EGFR: variants seen among roughly 807,000 people sequenced by gnomAD.
EGFR encodes the protein avian erythroblastic leukemia viral (v-erb-b) oncogene homolog.
EGFR carries 58 observed loss-of-function variants against 143.0 expected under a neutral mutation model. That is an observed-to-expected ratio of 0.41 (90% CI 0.33 to 0.50). The LOEUF is 0.50. Ranked by LOEUF, EGFR falls within the 20% of genes least tolerant of loss-of-function variation. EGFR has a pLI of 0.39. For synonymous variants in EGFR, 613 were observed against 594.4 expected, an observed-to-expected ratio of 1.03 and a Z score of -0.45; for missense variants, 1,307 against 1,579.0, an observed-to-expected ratio of 0.83 and a Z score of 2.92.
intron 1 of EGFR, among the ~76,000 whole-genome samples, chr7:55,138,665 A>C (rs988501430): frequency 1.3e-5 from 2 of 152,264 alleles, no homozygotes; most frequent in Non-Finnish European, 2.9e-5. Context: ...TTGCATTCTC[A>C]ATAGTTAACT....
At position 55,142,318 on chromosome 7, in the gene EGFR, T is replaced by C. The variant is rs762281800; in HGVS notation, c.121T>C (p.Leu41=). The C allele has an allele frequency of 1.2e-6, 2 of 1,614,222 alleles. No individual in the cohort carries two copies. The highest frequency in any genetic ancestry group is 1.7e-6 in the Non-Finnish European group (2 of 1,180,034). ...AGGCACGAGTAACAAGCTCACGCAG[T>C]TGGGCACTTTTGAAGATCATTTTCT... ...CQGTSNKLTQ[L]GTFEDHFLSL... Residue 41 remains leucine (L), a synonymous_variant, in exon 2 of 28, where the codon TTG becomes CTG. Coordinates refer to ENST00000275493, the MANE Select transcript of EGFR (RefSeq NM_005228.5).
rs767013310 is a variant in EGFR, at chr7:55,152,681, G to A, written c.747+17G>A. On this transcript the variant is annotated intron_variant, in intron 6 of 27. Transcript: ENST00000275493. ...GACTGCCTGGTAAGATGCCCCTCCA[G>A]CAGCCTCCCTGGAGCAGGCTGGGGC... The A allele has an allele frequency of 6.2e-7, 1 of 1,610,432 alleles. No individual in the cohort carries two copies. Among genetic ancestry groups the A allele is most frequent in the Non-Finnish European group, 8.5e-7 (1 of 1,177,564 alleles).
chr7:55,051,886 C>T (rs991782024), intron 1 of EGFR, among the ~76,000 whole-genome samples: 3 of 152,326 alleles, frequency 2.0e-5, no homozygotes, highest in Admixed American at 1.3e-4. Flanking sequence ...AAAACTCCCC[C>T]CACAAATCTT....
intron 1 of EGFR, chr7:55,044,041 T>A (rs1788053736): frequency 6.6e-6 from 1 of 152,166 alleles, no homozygotes; most frequent in East Asian, 1.9e-4. Context: ...CAGAAAGGAA[T>A]CAGTGGGGCC....
At chr7:55,172,047 C>T (rs1786376136) in intron 16 of EGFR, among the ~76,000 whole-genome samples, 1 of 152,220 alleles carries the variant, frequency 6.6e-6, no homozygotes, top group South Asian at 2.1e-4. Context: ...TCCCCTTCCA[C>T]TCCCATCTCT....
At chr7:55,033,108 T>A (rs1787356977) in intron 1 of EGFR, among the ~76,000 whole-genome samples, 1 of 152,228 alleles carries the variant, frequency 6.6e-6, no homozygotes, top group Non-Finnish European at 1.5e-5. Flanking sequence ...TAGGTCAGTG[T>A]GATTCTAGAA....
chr7:55,076,730 G>A (rs562090908), intron 1 of EGFR, among the ~76,000 whole-genome samples: 1 of 152,104 alleles, frequency 6.6e-6, no homozygotes, highest in Admixed American at 6.5e-5. Context: ...AACTTCATTA[G>A]TAGAGCACAT....
intron 1 of EGFR, among the ~76,000 whole-genome samples, chr7:55,061,956 G>A (rs1049378608): frequency 2.6e-5 from 4 of 152,192 alleles, no homozygotes; most frequent in Admixed American, 6.5e-5. Context: ...TTCGCTCATC[G>A]CTGGAGGCCA....
chr7:55,191,989 G>A (rs2128964971), intron 21 of EGFR, 115 bp downstream of exon 21: 2 of 1,502,726 alleles, frequency 1.3e-6, no homozygotes, highest in South Asian at 2.3e-5. Context: ...AGACATTCTG[G>A]GTGAGCTCGC....
chr7:55,091,854 ACAC>A (rs1791138093), intron 1 of EGFR, among the ~76,000 whole-genome samples: 2 of 55,166 alleles, frequency 3.6e-5, no homozygotes, highest in African/African-American at 2.7e-4. Context: ...GTAAACACAC[ACAC>A]ACACACACAC....
intron 1 of EGFR, among the ~76,000 whole-genome samples, chr7:55,055,982 G>A (rs184219486): frequency 2.3e-4 from 35 of 152,114 alleles, no homozygotes; most frequent in African/African-American, 7.7e-4. Context: ...TTGGGTTGGC[G>A]GGTCCATCTG....
chr7:55,150,085 A>T (rs1025937146), intron 4 of EGFR, among the ~76,000 whole-genome samples: 1 of 152,156 alleles, frequency 6.6e-6, no homozygotes, highest in African/African-American at 2.4e-5. Context: ...TCATAAACAG[A>T]TCTTGTTTGT....
At chr7:55,175,241 A>G (rs1003936676) in intron 19 of EGFR, among the ~76,000 whole-genome samples, 9 of 152,158 alleles carry the variant, frequency 5.9e-5, no homozygotes, top group African/African-American at 2.2e-4. Context: ...CTTGCATTCA[A>G]TTCACTCCAC....
intron 1 of EGFR, among the ~76,000 whole-genome samples, chr7:55,047,278 C>A (rs1326202479): frequency 6.6e-6 from 1 of 152,178 alleles, no homozygotes; most frequent in African/African-American, 2.4e-5. Context: ...GGGTATCACC[C>A]AGAACACCTA....
Position 55,142,463 on chromosome 7 carries a change from A to T in EGFR, c.240+26A>T, listed in dbSNP as rs758238090. 1.2e-5 allele frequency: 19 copies of T among 1,612,672 alleles called. No homozygotes were observed. The African/African-American group carries it at 2.3e-4, about 19-fold the overall frequency. On this transcript the variant is annotated intron_variant, in intron 2 of 27. Transcript: ENST00000275493. ...GTTGGTGACTTTGATTTTCCTACAC[A>T]AATAAAATTGGAGAAAATCTAAGTG...
chr7:55,170,791 C>T (rs1786309837), intron 15 of EGFR: 18 of 1,430,016 alleles, frequency 1.3e-5, no homozygotes, highest in Middle Eastern at 2.6e-4. Context: ...CAGCCTTCTC[C>T]GTAATTAGCA....
At position 55,181,466 on chromosome 7, in the gene EGFR, G is replaced by A. The variant is rs56183713; in HGVS notation, c.2457G>A (p.Val819=). 299 of 1,614,256 alleles carry A rather than the reference G, an allele frequency of 1.9e-4. No homozygotes were observed. The East Asian group carries it at 5.1e-3, about 28-fold the overall frequency. ...IGSQYLLNWC[V]QIAKGMNYLE... is the part of the protein sequence containing the mutation. ...CCCAGTACCTGCTCAACTGGTGTGT[G>A]CAGATCGCAAAGGTAATCAGGGAAG... Residue 819 remains valine (V), a synonymous_variant, in exon 20 of 28, where the codon GTG becomes GTA. Transcript: ENST00000275493.
At chr7:55,028,656 C>A (rs1227060985) in intron 1 of EGFR, among the ~76,000 whole-genome samples, 1 of 151,972 alleles carries the variant, frequency 6.6e-6, no homozygotes, top group Non-Finnish European at 1.5e-5. Context: ...CAAATTGTGC[C>A]GAACAAGATA....
At chr7:55,142,187 GA>G in intron 1 of EGFR, 98 bp from the exon 2 acceptor site, 1 of 1,472,056 alleles carries the variant, frequency 6.8e-7, no homozygotes, top group South Asian at 1.2e-5. Flanking sequence ...AGAGAGTGAA[GA>G]AACTGCTACC....
Sources: allele counts gnomAD v4.1 joint callset (sites outside exome capture counted in the v4.1 genomes callset), GRCh38; gene constraint gnomAD v4.1.1; transcripts MANE v1.5; gene names NCBI Gene and HGNC (gene_info 2026-07-23, HGNC 2026-07-21).